GRTP1: variants seen among roughly 807,000 people sequenced by gnomAD.
GRTP1 encodes growth hormone regulated TBC protein 1.
A neutral mutation model predicts 38.1 loss-of-function variants in GRTP1; 56 were observed. That is an observed-to-expected ratio of 1.47 (90% CI 1.19 to 1.84). The LOEUF (loss-of-function observed/expected upper bound fraction) is 1.84, where lower values mean the gene tolerates loss of function less well. Ranked by LOEUF, GRTP1 falls within the 40% of genes most tolerant of loss-of-function variation. The probability of loss-of-function intolerance (pLI) is 0.00; values close to 1 mark genes in which losing one functional copy is unlikely to be tolerated. For synonymous variants in GRTP1, 217 were observed against 189.5 expected, an observed-to-expected ratio of 1.14 and a Z score of -1.19; for missense variants, 506 against 453.9, an observed-to-expected ratio of 1.11 and a Z score of -1.04.
chr13:113,354,362 G>A (rs2043340360), intron 3 of GRTP1, among the ~76,000 whole-genome samples: 1 of 152,184 alleles, frequency 6.6e-6, no homozygotes, highest in Non-Finnish European at 1.5e-5. Context: ...AAGGGCAGCA[G>A]GATGCACCAT....
chr13:113,336,461 TG>T (rs2042956673), intron 5 of GRTP1, among the ~76,000 whole-genome samples: 1 of 151,988 alleles, frequency 6.6e-6, no homozygotes, highest in South Asian at 2.1e-4. Flanking sequence ...AAGGCCAACT[TG>T]GACTCAGCAC....
At chr13:113,333,587 C>T (rs1448677186) in intron 5 of GRTP1, among the ~76,000 whole-genome samples, 1 of 152,132 alleles carries the variant, frequency 6.6e-6, no homozygotes, top group Non-Finnish European at 1.5e-5. Context: ...TCACTGCAAC[C>T]TCCACCTCCC....
Position 113,343,373 on chromosome 13 carries a change from C to T in GRTP1, c.562+1490G>A, listed in dbSNP as rs2043052371. 6.6e-6 allele frequency among the ~76,000 whole-genome samples: 1 copy of T among 152,220 alleles called. No individual in the cohort carries two copies. The highest frequency in any genetic ancestry group is 1.5e-5 in the Non-Finnish European group (1 of 68,040). On this transcript the variant is annotated intron_variant, in intron 5 of 7. Transcript: ENST00000375431. This position sits in a 1 kb window ranked among gnomAD's most constrained non-coding sequence, Gnocchi z 4.8. The stretch of plus-strand genomic sequence containing the variant: ...CCCTGGGCCCCAGCCGGGTCAACAG[C>T]TCTTCCCACTCCCGGGAGCTCTGTG...
chr13:113,333,592 C>A (rs1404174671), intron 5 of GRTP1, among the ~76,000 whole-genome samples: 1 of 152,102 alleles, frequency 6.6e-6, no homozygotes, highest in African/African-American at 2.4e-5. Context: ...GCAACCTCCA[C>A]CTCCCAGGCT....
chr13:113,332,274 A>G (rs2042882543), intron 5 of GRTP1, among the ~76,000 whole-genome samples: 43 of 149,376 alleles, frequency 2.9e-4, no homozygotes, highest in African/African-American at 9.1e-4. Context: ...ACACACAGGT[A>G]CACACGTGCA....
rs567613360 is a variant in GRTP1 at position 113,364,054 on chromosome 13, G to C, written c.-3C>G. On this transcript the variant is annotated 5_prime_UTR_variant, in exon 1 of 8. Coordinates refer to ENST00000375431, the MANE Select transcript of GRTP1 (RefSeq NM_024719.4). ...CGCGAGCGCTCGGCGGGCTGCATGC[G>C]GGGAGGGAGGCGCGCACCGAGCGAG... 2.4e-5 allele frequency: 31 copies of C among 1,285,558 alleles called. No homozygotes were observed. The South Asian group carries it at 6.9e-4, about 29-fold the overall frequency. 79.6% of individuals were successfully genotyped at this position (1,285,558 alleles called of 1,614,324 possible). A position where few individuals can be genotyped will look rare whatever the true frequency, so the allele number is the denominator to read the frequency against.
intron 5 of GRTP1, among the ~76,000 whole-genome samples, chr13:113,331,555 G>A (rs1437474645): frequency 1.3e-5 from 2 of 152,072 alleles, no homozygotes; most frequent in Non-Finnish European, 2.9e-5. Flanking sequence ...AGAAGACTTC[G>A]GCGTGGCACA....
At chr13:113,326,177 A>G in intron 5 of GRTP1, 86 bp from the exon 6 acceptor site, 1 of 1,522,840 alleles carries the variant, frequency 6.6e-7, no homozygotes, top group South Asian at 1.2e-5. Flanking sequence ...CAAAGACAAC[A>G]GGGCCACCCT....
At position 113,336,565 on chromosome 13, in the gene GRTP1, G is replaced by A. The variant is rs929762655; in HGVS notation, c.562+8298C>T. 2.0e-5 allele frequency among the ~76,000 whole-genome samples: 3 copies of A among 151,874 alleles called. No individual in the cohort carries two copies. In the East Asian group the frequency reaches 5.9e-4, roughly 30 times the overall value. ...GGCCGTGGTTGGGGGCGAGGTGAGG[G>A]GGGCTGGCTTCAGAGCCACCCGCTG... On this transcript the variant is annotated intron_variant, in intron 5 of 7. Coordinates refer to ENST00000375431, the MANE Select transcript of GRTP1 (RefSeq NM_024719.4).
At chr13:113,330,929 G>A (rs1405455197) in intron 5 of GRTP1, among the ~76,000 whole-genome samples, 3 of 112,138 alleles carry the variant, frequency 2.7e-5, no homozygotes, top group Non-Finnish European at 3.6e-5. Context: ...GTGCATGGGA[G>A]CCCAGGTGTG....
At position 113,324,284 on chromosome 13, in the gene GRTP1, A is replaced by T; in HGVS notation, c.*204T>A. 1.5e-6 allele frequency: 1 copy of T among 675,846 alleles called. No homozygotes were observed. The highest frequency in any genetic ancestry group is 2.1e-6 in the Non-Finnish European group (1 of 468,190). 41.9% of individuals were successfully genotyped at this position (675,846 alleles called of 1,614,324 possible). The stretch of plus-strand genomic sequence containing the variant: ...TCTCAGGTAAAAATAAGTTTTCTTT[A>T]AAAAGTATGACTTCATAGCTAATCA... On this transcript the variant is annotated 3_prime_UTR_variant, in exon 8 of 8. Coordinates refer to ENST00000375431, the MANE Select transcript of GRTP1 (RefSeq NM_024719.4).
At chr13:113,344,769 C>T in intron 5 of GRTP1, 94 bp downstream of exon 5, 2 of 837,826 alleles carry the variant, frequency 2.4e-6, no homozygotes, top group African/African-American at 1.8e-5. Flanking sequence ...ACAATTCAAC[C>T]ATGTTTTAAT....
At chr13:113,363,971 C>A (rs1395493803) in intron 1 of GRTP1, 49 bp downstream of exon 1, 1 of 1,547,722 alleles carries the variant, frequency 6.5e-7, no homozygotes, top group Non-Finnish European at 8.7e-7. Flanking sequence ...GTCGCGGGCC[C>A]GCGCGGGGAC....
intron 2 of GRTP1, among the ~76,000 whole-genome samples, chr13:113,363,006 C>T (rs2043525488): frequency 6.6e-6 from 1 of 152,210 alleles, no homozygotes; most frequent in Non-Finnish European, 1.5e-5. Context: ...AAATCCGTTG[C>T]AGGGAGGAAG....
chr13:113,326,584 T>C (rs930253595), intron 5 of GRTP1, among the ~76,000 whole-genome samples: 1 of 151,916 alleles, frequency 6.6e-6, no homozygotes, highest in Admixed American at 6.6e-5. Context: ...GGCAGGAGAA[T>C]CGCTTGAACC....
At position 113,346,193 on chromosome 13, in the gene GRTP1, T is replaced by A. The variant is rs36152930; in HGVS notation, c.466-1234A>T. ...GTGGACCCGGGAGGACCTCTGTGGC[T>A]GAGAGCAGACCCGGGAGGACCTCTG... On this transcript the variant is annotated intron_variant, in intron 4 of 7. Coordinates refer to ENST00000375431, the MANE Select transcript of GRTP1 (RefSeq NM_024719.4). 8.0e-3 allele frequency among the ~76,000 whole-genome samples: 505 copies of A among 63,134 alleles called. 4 individuals are homozygous for A. Among genetic ancestry groups the A allele is most frequent in the Admixed American group, 0.03 (169 of 5,724 alleles). 41.4% of individuals were successfully genotyped at this position (63,134 alleles called of 152,430 possible). A position where few individuals can be genotyped will look rare whatever the true frequency, so the allele number is the denominator to read the frequency against.
At chr13:113,335,598 A>G (rs1409098419) in intron 5 of GRTP1, among the ~76,000 whole-genome samples, 1 of 151,724 alleles carries the variant, frequency 6.6e-6, no homozygotes, top group Non-Finnish European at 1.5e-5. Flanking sequence ...TAGGTCTGTA[A>G]CCATTAACGA....
chr13:113,326,577 A>G (rs1170342789), intron 5 of GRTP1, among the ~76,000 whole-genome samples: 1 of 152,072 alleles, frequency 6.6e-6, no homozygotes, highest in Non-Finnish European at 1.5e-5. Flanking sequence ...AGGCTGAGGC[A>G]GGAGAATCGC....
At position 113,363,771 on chromosome 13, in the gene GRTP1, T is replaced by C. The variant is rs1449618431; in HGVS notation, c.172A>G (p.Ser58Gly). The part of the protein sequence containing the change: ...RLLQGGGVPR[S>G]RTVKRYVRKG... ...CGCCCCCGGGACCCACCTGTCCGGCTCCTGGGGACGCCCCCGCCCTGCAGC... is the reference window on the plus strand; with the variant it reads ...CGCCCCCGGGACCCACCTGTCCGGCCCCTGGGGACGCCCCCGCCCTGCAGC... The change falls in exon 2 of 8, where the codon AGC (serine) becomes GGC (glycine). Residue 58 changes from serine (S) to glycine (G), a missense_variant. Coordinates refer to ENST00000375431, the MANE Select transcript of GRTP1 (RefSeq NM_024719.4). 5 of 1,574,792 alleles carry C rather than the reference T, an allele frequency of 3.2e-6. No individual in the cohort carries two copies. Among genetic ancestry groups the C allele is most frequent in the Non-Finnish European group, 4.3e-6 (5 of 1,161,660 alleles).
Sources: allele counts gnomAD v4.1 joint callset (sites outside exome capture counted in the v4.1 genomes callset), GRCh38; gene constraint gnomAD v4.1.1; non-coding constraint Gnocchi (gnomAD v3.1); transcripts MANE v1.5; gene names NCBI Gene and HGNC (gene_info 2026-07-23, HGNC 2026-07-21).